Variants in C1GALT1 observed in about 807,000 individuals in gnomAD.
C1GALT1 encodes the protein core 1 synthase, glycoprotein-N-acetylgalactosamine 3-beta-galactosyltransferase 1, also known as glycoprotein-N-acetylgalactosamine 3-beta-galactosyltransferase 1.
C1GALT1 carries 11 observed loss-of-function variants against 31.0 expected under a neutral mutation model. The observed-to-expected ratio is 0.36, with a 90% CI of 0.22 to 0.59. C1GALT1 has a LOEUF of 0.59. Ranked by LOEUF, C1GALT1 falls within the 20% of genes least tolerant of loss-of-function variation. C1GALT1 has a pLI of 0.79. For synonymous variants in C1GALT1, 175 were observed against 143.6 expected (o/e 1.22, Z -1.56); for missense variants, 424 against 425.2 (o/e 1.00, Z 0.03).
intron 3 of C1GALT1, among the ~76,000 whole-genome samples, chr7:7,239,836 A>T (rs1381142696): frequency 1.3e-5 from 2 of 152,226 alleles, no homozygotes; most frequent in African/African-American, 2.4e-5. Context: ...TTTTAAATAA[A>T]TATCTTTCTA....
chr7:7,167,260 T>C (rs1279551184), intron 2 of C1GALT1, among the ~76,000 whole-genome samples: 1 of 152,190 alleles, frequency 6.6e-6, no homozygotes, highest in African/African-American at 2.4e-5. Context: ...CAGGTCCTGT[T>C]TCTCAGGAGT....
intron 1 of C1GALT1, among the ~76,000 whole-genome samples, chr7:7,233,726 A>G (rs1376878960): frequency 2.0e-5 from 3 of 152,218 alleles, no homozygotes; most frequent in Non-Finnish European, 4.4e-5. Flanking sequence ...TATTTACAAA[A>G]ACAGGTAGCA....
At chr7:7,157,532 G>C (rs777365940) in intron 2 of C1GALT1, 1 of 152,222 alleles carries the variant, frequency 6.6e-6, no homozygotes, top group South Asian at 2.1e-4. Flanking sequence ...CTGACTTGAA[G>C]TCAAGATGGG....
chr7:7,200,999 C>G (rs1781508642), intron 1 of C1GALT1, among the ~76,000 whole-genome samples: 1 of 152,240 alleles, frequency 6.6e-6, no homozygotes. Context: ...CTTCTTCTCT[C>G]AACTCGTCAA....
chr7:7,213,608 G>A (rs1782105995), intron 1 of C1GALT1, among the ~76,000 whole-genome samples: 1 of 152,008 alleles, frequency 6.6e-6, no homozygotes, highest in South Asian at 2.1e-4. Context: ...TTGCCAAAAT[G>A]GTGACTTAAA....
intron 1 of C1GALT1, chr7:7,210,660 C>T (rs1781957481): frequency 6.6e-6 from 1 of 152,116 alleles, no homozygotes; most frequent in South Asian, 2.1e-4. Context: ...ATTCACATAG[C>T]TCATGAAAAA....
intron 1 of C1GALT1, among the ~76,000 whole-genome samples, chr7:7,187,078 CAG>C (rs988752982): frequency 6.6e-6 from 1 of 152,166 alleles, no homozygotes; most frequent in African/African-American, 2.4e-5. Flanking sequence ...AGTTAAAAGA[CAG>C]AGAGGTTGCT....
At chr7:7,233,065 C>A (rs1783163309) in intron 1 of C1GALT1, among the ~76,000 whole-genome samples, 1 of 152,032 alleles carries the variant, frequency 6.6e-6, no homozygotes. Flanking sequence ...TAAGACCAAT[C>A]TTTTAAGGAA....
chr7:7,160,484 C>G (rs1780322951), intron 2 of C1GALT1, among the ~76,000 whole-genome samples: 1 of 151,938 alleles, frequency 6.6e-6, no homozygotes, highest in South Asian at 2.1e-4. Context: ...AAAATGTTAC[C>G]CTGTTTCTCA....
chr7:7,191,924 C>G (rs115886895), intron 1 of C1GALT1, among the ~76,000 whole-genome samples: 1 of 152,014 alleles, frequency 6.6e-6, no homozygotes, highest in Non-Finnish European at 1.5e-5. Context: ...TGTGGCTTGC[C>G]TTTTACTGTT....
chr7:7,176,979 A>G (rs1780511624), intron 2 of C1GALT1, among the ~76,000 whole-genome samples: 1 of 152,194 alleles, frequency 6.6e-6, no homozygotes, highest in Non-Finnish European at 1.5e-5. Context: ...AACATAGGAA[A>G]TGAGGTGCAA....
At chr7:7,200,789 G>A (rs558032734) in intron 1 of C1GALT1, among the ~76,000 whole-genome samples, 49 of 152,036 alleles carry the variant, frequency 3.2e-4, no homozygotes, top group African/African-American at 1.2e-3. Context: ...TGATCAATTC[G>A]GCTACTGAAG....
rs1443845145 is a variant in C1GALT1 at position 7,234,224 on chromosome 7, T to TA, written c.-17-76dup. ...TTAGAAATTAACTTTCCGTTATAGC[T>TA]AAATGTTACCAGAATTTTTACTCCG... On this transcript the variant is annotated intron_variant, in intron 1 of 3. Coordinates refer to ENST00000436587, the MANE Select transcript of C1GALT1 (RefSeq NM_020156.5). 4.8e-6 allele frequency: 5 copies of TA among 1,051,352 alleles called. No homozygotes were observed. In the Admixed American group the frequency reaches 8.9e-5, roughly 19 times the overall value. 65.1% of individuals were successfully genotyped at this position (1,051,352 alleles called of 1,614,324 possible).
chr7:7,227,173 T>A (rs1446579227), intron 1 of C1GALT1, among the ~76,000 whole-genome samples: 3 of 152,156 alleles, frequency 2.0e-5, no homozygotes, highest in Admixed American at 2.0e-4. Flanking sequence ...TTCAAATAAA[T>A]CTAATATGTT....
chr7:7,186,615 A>T (rs1335727474), intron 1 of C1GALT1, among the ~76,000 whole-genome samples: 1 of 152,246 alleles, frequency 6.6e-6, no homozygotes, highest in Admixed American at 6.5e-5. Flanking sequence ...ATTTGATATT[A>T]ATAGGTGCTG....
intron 1 of C1GALT1, among the ~76,000 whole-genome samples, chr7:7,206,610 T>A (rs112067729): frequency 0.039 from 5,876 of 150,210 alleles, 265 homozygotes; most frequent in African/African-American, 0.11. Context: ...CAGGAGGCGG[T>A]GGTTGCAGTT....
chr7:7,198,696 T>C (rs1194650262), intron 1 of C1GALT1, among the ~76,000 whole-genome samples: 1 of 152,196 alleles, frequency 6.6e-6, no homozygotes, highest in African/African-American at 2.4e-5. Flanking sequence ...CTATTAATTA[T>C]TGCCTCAATT....
In C1GALT1 at chr7:7,169,620, C is replaced by T. The variant is rs145903403; in HGVS notation, c.-18+12194C>T. 8.1e-3 allele frequency among the ~76,000 whole-genome samples: 1,230 copies of T among 152,192 alleles called. 14 individuals carry two copies. The highest frequency in any genetic ancestry group is 0.035 in the Admixed American group (537 of 15,282). ...CATTGTTGTTTTGATTTGCATTACC[C>T]TAATAACTAAGGATGTTGAACATCT... On this transcript the variant is annotated intron_variant, in intron 2 of 3. Transcript: ENST00000429911.
intron 1 of C1GALT1, among the ~76,000 whole-genome samples, chr7:7,215,497 A>G (rs1038134791): frequency 1.3e-5 from 2 of 152,164 alleles, no homozygotes; most frequent in East Asian, 1.9e-4. Flanking sequence ...CTTTAAGCCA[A>G]GCATTTTAAG....
Sources: allele counts gnomAD v4.1 joint callset (sites outside exome capture counted in the v4.1 genomes callset), GRCh38; gene constraint gnomAD v4.1.1; transcripts MANE v1.5; gene names NCBI Gene and HGNC (gene_info 2026-07-23, HGNC 2026-07-21).